Variants in PDE8B observed in about 807,000 individuals in gnomAD.
PDE8B encodes the protein phosphodiesterase 8B, also known as high affinity cAMP-specific and IBMX-insensitive 3',5'-cyclic phosphodiesterase 8B.
Under a neutral mutation model 101.3 loss-of-function variants are expected in PDE8B, and 26 were observed. The ratio of observed to expected loss-of-function variants is 0.26; its 90% CI spans 0.19 to 0.36. PDE8B has a LOEUF of 0.36. PDE8B is among the 10% of genes least tolerant of loss of function. PDE8B has a pLI of 1.00. For synonymous variants in PDE8B, 424 were observed against 429.3 expected (o/e 0.99, Z 0.15); for missense variants, 810 against 1,163.1 (o/e 0.70, Z 4.42).
chr5:77,332,366 C>G (rs1777303035), intron 5 of PDE8B, among the ~76,000 whole-genome samples: 1 of 152,100 alleles, frequency 6.6e-6, no homozygotes, highest in Admixed American at 6.5e-5. Context: ...ACAGCTTTTG[C>G]TGATAATCTA....
chr5:77,162,329 A>G, the PDE8B span, among the ~76,000 whole-genome samples: 1 of 152,176 alleles, frequency 6.6e-6, no homozygotes, highest in Non-Finnish European at 1.5e-5. Flanking sequence ...TTTAATATTG[A>G]TGAGATATCA....
intron 1 of PDE8B, among the ~76,000 whole-genome samples, chr5:77,216,308 A>G (rs981514919): frequency 2.6e-5 from 4 of 152,212 alleles, no homozygotes; most frequent in Non-Finnish European, 5.9e-5. Context: ...GAGACTGGTT[A>G]ATTTAGAAAG....
At chr5:77,365,410 T>G (rs2150598170) in intron 10 of PDE8B, among the ~76,000 whole-genome samples, 1 of 152,218 alleles carries the variant, frequency 6.6e-6, no homozygotes, top group South Asian at 2.1e-4. Context: ...ACAAGACTGA[T>G]TTGACCAAAA....
intron 14 of PDE8B, 62 bp downstream of exon 14, chr5:77,409,119 G>C: frequency 7.0e-7 from 1 of 1,426,692 alleles, no homozygotes; most frequent in Non-Finnish European, 9.9e-7. Context: ...GAGTGCAGCT[G>C]ATGTGGAAAC....
At chr5:77,118,434 T>A in the PDE8B span, 1 of 398,686 alleles carries the variant, frequency 2.5e-6, no homozygotes, top group Non-Finnish European at 4.4e-6. Context: ...TGGAGAGTCA[T>A]GAGGTGCTTC....
chr5:77,291,226 A>G (rs1767258571), intron 1 of PDE8B: 2 of 1,611,630 alleles, frequency 1.2e-6, no homozygotes, highest in Admixed American at 3.3e-5. Flanking sequence ...GAGGTTGTAA[A>G]CAGACTTAAA....
intron 10 of PDE8B, among the ~76,000 whole-genome samples, chr5:77,392,346 A>G (rs1484210908): frequency 1.3e-5 from 2 of 152,304 alleles, no homozygotes; most frequent in African/African-American, 4.8e-5. Context: ...GTTGTCAGAA[A>G]GGAACATTAA....
At chr5:77,114,417 A>T in the PDE8B span, 2 of 152,238 alleles carry the variant, frequency 1.3e-5, no homozygotes, top group Admixed American at 1.3e-4. Flanking sequence ...AAGGACAGAA[A>T]ACCAAACACC....
chr5:77,182,906 G>A, the PDE8B span, among the ~76,000 whole-genome samples: 1 of 151,378 alleles, frequency 6.6e-6, no homozygotes, highest in Non-Finnish European at 1.5e-5. Flanking sequence ...AGGGAAATAA[G>A]CAGGATGACA....
chr5:77,224,661 C>G (rs527427050), intron 1 of PDE8B, among the ~76,000 whole-genome samples: 1 of 152,294 alleles, frequency 6.6e-6, no homozygotes, highest in South Asian at 2.1e-4. Context: ...TGAAGTTTCC[C>G]TATCTCATAA....
chr5:77,109,356 A>T, the PDE8B span, among the ~76,000 whole-genome samples: 2 of 152,240 alleles, frequency 1.3e-5, no homozygotes, highest in African/African-American at 4.8e-5. Context: ...GGCTCTGGAA[A>T]CTTTGACCAG....
the PDE8B span, among the ~76,000 whole-genome samples, chr5:77,164,532 G>C: frequency 6.6e-6 from 1 of 152,162 alleles, no homozygotes; most frequent in East Asian, 1.9e-4. Flanking sequence ...TTCAGCATAT[G>C]TCTGTCAAGA....
intron 10 of PDE8B, among the ~76,000 whole-genome samples, chr5:77,389,088 T>C (rs550346699): frequency 2.6e-5 from 4 of 152,152 alleles, no homozygotes; most frequent in Admixed American, 6.5e-5. Context: ...AGTGGTTCTT[T>C]CACTGGTGTT....
chr5:77,249,381 C>T (rs1438530512), intron 1 of PDE8B, among the ~76,000 whole-genome samples: 1 of 152,180 alleles, frequency 6.6e-6, no homozygotes, highest in East Asian at 1.9e-4. Flanking sequence ...AATGAGTTAT[C>T]TAAAGCCACA....
the PDE8B span, among the ~76,000 whole-genome samples, chr5:77,160,676 G>C: frequency 5.3e-5 from 8 of 152,190 alleles, no homozygotes; most frequent in Non-Finnish European, 1.2e-4. Context: ...TTTTGAGACA[G>C]TGTCTTGCTC....
At chr5:77,228,896 G>A (rs1215948144) in intron 1 of PDE8B, among the ~76,000 whole-genome samples, 1 of 152,196 alleles carries the variant, frequency 6.6e-6, no homozygotes, top group Non-Finnish European at 1.5e-5. Context: ...TTAAAGTAGT[G>A]CAATAGGAGG....
the PDE8B span, among the ~76,000 whole-genome samples, chr5:77,102,285 T>G: frequency 6.6e-6 from 1 of 152,268 alleles, no homozygotes; most frequent in Non-Finnish European, 1.5e-5. Flanking sequence ...TTTTTGTAGT[T>G]CCTGTCTGCA....
intron 1 of PDE8B, among the ~76,000 whole-genome samples, chr5:77,228,230 G>A (rs1255316682): frequency 6.6e-6 from 1 of 152,146 alleles, no homozygotes; most frequent in African/African-American, 2.4e-5. Context: ...GCCCCATATA[G>A]CAGCATATTT....
chr5:77,155,821 T>C, the PDE8B span, among the ~76,000 whole-genome samples: 1 of 152,234 alleles, frequency 6.6e-6, no homozygotes, highest in African/African-American at 2.4e-5. Context: ...ACCTTCTTGC[T>C]ATACCACTAG....
Sources: allele counts gnomAD v4.1 joint callset (sites outside exome capture counted in the v4.1 genomes callset), GRCh38; gene constraint gnomAD v4.1.1; transcripts MANE v1.5; gene names NCBI Gene and HGNC (gene_info 2026-07-23, HGNC 2026-07-21).